Variants in PCDH7 observed in about 807,000 individuals in gnomAD.
PCDH7 encodes protocadherin-7.
In PCDH7, 17 loss-of-function variants were observed where a neutral mutation model predicts 58.9. The observed-to-expected ratio is 0.29, with a 90% CI of 0.20 to 0.43. PCDH7 has a LOEUF of 0.43. Among genes scored for constraint, PCDH7 ranks in the 20% least tolerant of loss-of-function variants. The probability of loss-of-function intolerance (pLI) is 1.00; values close to 1 mark genes in which losing one functional copy is unlikely to be tolerated. For synonymous variants in PCDH7, 664 were observed against 616.4 expected (o/e 1.08, Z -1.14); for missense variants, 1,274 against 1,441.0 (o/e 0.88, Z 1.88).
At chr4:30,972,281 T>G (rs781776627) in intron 3 of PCDH7, among the ~76,000 whole-genome samples, 1 of 151,940 alleles carries the variant, frequency 6.6e-6, no homozygotes, top group Non-Finnish European at 1.5e-5. Context: ...TAACATAGTG[T>G]TTTTTTTATA....
intron 3 of PCDH7, among the ~76,000 whole-genome samples, chr4:31,029,155 A>G (rs1163387634): frequency 6.6e-6 from 1 of 152,212 alleles, no homozygotes; most frequent in Admixed American, 6.5e-5. Context: ...TTTTACTGCT[A>G]ATCATTTGTG....
At position 30,982,778 on chromosome 4, in the gene PCDH7, C is replaced by G. The variant is rs149391453; in HGVS notation, c.*7+32563C>G. On this transcript the variant is annotated intron_variant, in intron 3 of 3. Transcript: ENST00000509759. ...GCATCCACTCTTTCCGTTGTATGAT[C>G]TCTTCTACTGTCCCTCACATATCCA... is the stretch of plus-strand genomic sequence containing the variant. Among the ~76,000 whole-genome samples the G allele has an allele frequency of 6.9e-3, 1,054 of 152,200 alleles. 10 individuals carry two copies. Among genetic ancestry groups the G allele is most frequent in the African/African-American group, 0.023 (960 of 41,532 alleles).
intron 1 of PCDH7, among the ~76,000 whole-genome samples, chr4:30,894,815 T>C (rs1739197440): frequency 6.6e-6 from 1 of 150,638 alleles, no homozygotes; most frequent in African/African-American, 2.4e-5. Context: ...TCTGCTTGAT[T>C]GCTGGAAGTT....
intron 3 of PCDH7, among the ~76,000 whole-genome samples, chr4:31,073,454 A>G (rs1344315674): frequency 1.3e-5 from 2 of 152,182 alleles, no homozygotes; most frequent in African/African-American, 2.4e-5. Context: ...CTGACTCATC[A>G]TTACTTAGTC....
At chr4:30,734,971 C>G (rs1392095831), downstream of PCDH7, among the ~76,000 whole-genome samples, 3 of 151,962 alleles carry the variant, frequency 2.0e-5, no homozygotes, top group African/African-American at 4.8e-5. Flanking sequence ...GGTGTGTGAC[C>G]CTTGTTTCGG....
chr4:31,071,057 G>A (rs1254288656), intron 3 of PCDH7, among the ~76,000 whole-genome samples: 1 of 151,952 alleles, frequency 6.6e-6, no homozygotes, highest in African/African-American at 2.4e-5. Flanking sequence ...AAGAGTGCAG[G>A]GCCCCTTCTT....
At chr4:31,133,711 T>C (rs1035812781) in intron 3 of PCDH7, among the ~76,000 whole-genome samples, 2 of 152,202 alleles carry the variant, frequency 1.3e-5, no homozygotes, top group African/African-American at 4.8e-5. Context: ...CGCACATTTT[T>C]CTGCTGTAGT....
chr4:31,053,310 T>C (rs1000571534), intron 3 of PCDH7, among the ~76,000 whole-genome samples: 1 of 152,142 alleles, frequency 6.6e-6, no homozygotes, highest in African/African-American at 2.4e-5. Flanking sequence ...CTTTCTGAAC[T>C]TTACATCCTG....
intron 3 of PCDH7, among the ~76,000 whole-genome samples, chr4:31,085,532 C>A (rs895500088): frequency 2.2e-4 from 33 of 152,020 alleles, no homozygotes; most frequent in African/African-American, 6.8e-4. Flanking sequence ...TAGCCTACTC[C>A]CAGGAATGAA....
Position 31,097,587 on chromosome 4 carries a change from CATATATATATATATATATATAT to C in PCDH7, c.*8-44856_*8-44835del, listed in dbSNP as rs1190443409. Among the ~76,000 whole-genome samples the C allele has an allele frequency of 4.7e-3, 190 of 40,096 alleles. 2 individuals carry two copies. Among genetic ancestry groups the C allele is most frequent in the Middle Eastern group, 0.034 (2 of 58 alleles). The allele number at this position is 40,096 out of a possible 152,430, so 26.3% of individuals were successfully genotyped here. A position where few individuals can be genotyped will look rare whatever the true frequency, so the allele number is the denominator to read the frequency against. ...TGTGGCTGTTTTTCCTCCAAATATA[CATATATATATATATATATATAT>C]ATATATATATATATATATATATATA... On this transcript the variant is annotated intron_variant, in intron 3 of 3. Transcript: ENST00000509759.
At chr4:30,995,190 G>T (rs547310721) in intron 3 of PCDH7, among the ~76,000 whole-genome samples, 1 of 151,996 alleles carries the variant, frequency 6.6e-6, no homozygotes, top group African/African-American at 2.4e-5. Flanking sequence ...CATTGGTGCT[G>T]ACAGTTTATA....
intron 1 of PCDH7, among the ~76,000 whole-genome samples, chr4:30,769,540 G>T (rs1016583617): frequency 6.6e-6 from 1 of 152,116 alleles, no homozygotes; most frequent in Non-Finnish European, 1.5e-5. Flanking sequence ...TGTGCTTGTA[G>T]TTAATACTTA....
chr4:30,974,205 CCTTT>C (rs1056838696), intron 3 of PCDH7, among the ~76,000 whole-genome samples: 13 of 139,944 alleles, frequency 9.3e-5, no homozygotes, highest in East Asian at 7.4e-4. Context: ...TCTTTCCCTC[CCTTT>C]CTTTCTTTCT....
At chr4:31,046,989 A>C (rs1040001294) in intron 3 of PCDH7, among the ~76,000 whole-genome samples, 1 of 152,084 alleles carries the variant, frequency 6.6e-6, no homozygotes, top group Non-Finnish European at 1.5e-5. Context: ...AGTTGCTGCT[A>C]TACCATTCTG....
At chr4:30,863,496 C>T (rs201630834) in intron 1 of PCDH7, among the ~76,000 whole-genome samples, 2 of 152,036 alleles carry the variant, frequency 1.3e-5, no homozygotes, top group East Asian at 3.9e-4. Flanking sequence ...GTGTTGAGGC[C>T]GAGAAATCCT....
intron 1 of PCDH7, among the ~76,000 whole-genome samples, chr4:30,858,963 G>A (rs9999771): frequency 0.23 from 35,704 of 152,086 alleles, 4,759 homozygotes; most frequent in Middle Eastern, 0.32. Context: ...ATTGTTTGAC[G>A]GATTGTGGCC....
At chr4:30,906,994 G>C (rs937009067) in intron 1 of PCDH7, among the ~76,000 whole-genome samples, 2 of 152,148 alleles carry the variant, frequency 1.3e-5, no homozygotes, top group African/African-American at 4.8e-5. Flanking sequence ...CTGCACTCTA[G>C]CCTGGGTGAC....
chr4:31,051,833 T>TGGGGGGG (rs960873295), intron 3 of PCDH7, among the ~76,000 whole-genome samples: 1 of 133,784 alleles, frequency 7.5e-6, no homozygotes, highest in African/African-American at 3.2e-5. Flanking sequence ...TGGGTGTGTG[T>TGGGGGGG]GGGGGGCGGG....
At chr4:30,895,983 A>G (rs551437137) in intron 1 of PCDH7, among the ~76,000 whole-genome samples, 31 of 152,338 alleles carry the variant, frequency 2.0e-4, no homozygotes, top group African/African-American at 7.2e-4. Flanking sequence ...ACTCTGGTTC[A>G]ATGTCAAAGG....
Sources: allele counts gnomAD v4.1 joint callset (sites outside exome capture counted in the v4.1 genomes callset), GRCh38; gene constraint gnomAD v4.1.1; transcripts MANE v1.5; gene names NCBI Gene and HGNC (gene_info 2026-07-23, HGNC 2026-07-21).